SCP2: variants seen among roughly 807,000 people sequenced by gnomAD.
The protein encoded by SCP2 is SCP-2/3-oxoacyl-CoA thiolase.
Under a neutral mutation model 71.4 loss-of-function variants are expected in SCP2, and 48 were observed. The observed-to-expected ratio is 0.67, with a 90% CI of 0.53 to 0.86. The LOEUF (loss-of-function observed/expected upper bound fraction) is 0.86. Ranked by LOEUF, SCP2 falls within the 40% of genes least tolerant of loss-of-function variation. The pLI is 0.00. For missense variants in SCP2, 560 were observed against 655.6 expected (o/e 0.85, Z 1.59); for synonymous variants, 220 against 218.1 (o/e 1.01, Z -0.08).
At chr1:52,955,528 A>AT (rs1655717361) in intron 5 of SCP2, among the ~76,000 whole-genome samples, 1 of 152,160 alleles carries the variant, frequency 6.6e-6, no homozygotes, top group South Asian at 2.1e-4. Context: ...GGAAAAAAAA[A>AT]GAGAAAGAAT....
chr1:52,955,389 A>G (rs534689499), intron 5 of SCP2, among the ~76,000 whole-genome samples: 1 of 152,320 alleles, frequency 6.6e-6, no homozygotes, highest in African/African-American at 2.4e-5. Context: ...CCAAGATCAG[A>G]AGTTTAATAC....
chr1:53,048,046 C>A, intron 15 of SCP2, 109 bp downstream of exon 15: 2 of 776,044 alleles, frequency 2.6e-6, no homozygotes, highest in East Asian at 2.6e-5. Context: ...TCACAAAACT[C>A]AGTGTTCCCC....
At chr1:52,941,989 G>C (rs1654295160) in intron 2 of SCP2, 136 bp downstream of exon 2, 1 of 679,058 alleles carries the variant, frequency 1.5e-6, no homozygotes, top group East Asian at 2.9e-5. Context: ...GAAATGTCTA[G>C]TGACTCACTA....
chr1:52,952,783 C>T (rs776782743), intron 4 of SCP2, among the ~76,000 whole-genome samples: 31 of 151,782 alleles, frequency 2.0e-4, no homozygotes, highest in African/African-American at 7.5e-4. Flanking sequence ...CTTGGGGTAG[C>T]GGGGAGGGCG....
intron 5 of SCP2, among the ~76,000 whole-genome samples, chr1:52,960,656 G>A (rs1215357013): frequency 6.8e-6 from 1 of 146,688 alleles, no homozygotes; most frequent in African/African-American, 2.6e-5. Context: ...ATGTATATAT[G>A]TGTATATATA....
rs1658732149 is a variant in SCP2 at position 52,983,861 on chromosome 1, A to G, written c.973+3318A>G. On this transcript the variant is annotated intron_variant, in intron 10 of 15. Transcript: ENST00000371514. Reference sequence around the variant, plus strand: ...CATTTTCTGATTCTTTGTATAGCAAACAATTTTGGATTGTATCCTGGACAG... The same window carrying G: ...CATTTTCTGATTCTTTGTATAGCAAGCAATTTTGGATTGTATCCTGGACAG... Among the ~76,000 whole-genome samples the G allele has an allele frequency of 2.6e-5, 4 of 152,194 alleles. No individual in the cohort carries two copies. The South Asian group carries it at 8.3e-4, about 32-fold the overall frequency.
intron 12 of SCP2, among the ~76,000 whole-genome samples, chr1:53,015,452 ATTCTTTTT>A: frequency 6.6e-6 from 1 of 152,168 alleles, no homozygotes; most frequent in African/African-American, 2.4e-5. Flanking sequence ...TGATGCTAGA[ATTCTTTTT>A]GTCTCTTGCT....
intron 11 of SCP2, chr1:52,993,762 A>G (rs1462569591): frequency 2.5e-6 from 4 of 1,593,672 alleles, no homozygotes; most frequent in Non-Finnish European, 2.6e-6. Context: ...ATGCCTCCTC[A>G]ATAATATTCC....
rs865981653 is a variant in SCP2, at chr1:52,983,601, C to T, written c.973+3058C>T. On this transcript the variant is annotated intron_variant, in intron 10 of 15. Transcript: ENST00000371514. ...CTTCATGTTCTTTCTACTCATGAAC[C>T]ATTCTAATGAGTTTTCTATTTCAAA... is the stretch of plus-strand genomic sequence containing the variant. Among the ~76,000 whole-genome samples, 6 of 152,236 alleles carry T rather than the reference C, an allele frequency of 3.9e-5. No homozygotes were observed. In the South Asian group the frequency reaches 8.3e-4, roughly 21 times the overall value.
chr1:52,936,709 A>G (rs958790743), intron 1 of SCP2, among the ~76,000 whole-genome samples: 1 of 152,214 alleles, frequency 6.6e-6, no homozygotes, highest in African/African-American at 2.4e-5. Context: ...GCAAGACTAA[A>G]CTATAATGTC....
chr1:53,044,466 T>C (rs1663657601), intron 14 of SCP2, among the ~76,000 whole-genome samples: 1 of 152,236 alleles, frequency 6.6e-6, no homozygotes, highest in Non-Finnish European at 1.5e-5. Context: ...AACAAGTATT[T>C]ATTGATTTCC....
chr1:52,931,254 A>C (rs1471770885), intron 1 of SCP2, among the ~76,000 whole-genome samples: 2 of 152,184 alleles, frequency 1.3e-5, no homozygotes, highest in Non-Finnish European at 2.9e-5. Flanking sequence ...TAAGTTCCTG[A>C]AGAGGGGTTA....
intron 6 of SCP2, among the ~76,000 whole-genome samples, chr1:52,969,745 T>C (rs1439692291): frequency 5.9e-5 from 9 of 152,118 alleles, no homozygotes; most frequent in Non-Finnish European, 1.5e-5. Flanking sequence ...TGCTTGAGCC[T>C]GGGAGGTGGA....
intron 12 of SCP2, among the ~76,000 whole-genome samples, chr1:53,027,754 C>A (rs79969290): frequency 1.3e-5 from 2 of 152,248 alleles, no homozygotes; most frequent in South Asian, 4.1e-4. Flanking sequence ...ATCCACTCGC[C>A]TCGGCCTCCC....
intron 14 of SCP2, among the ~76,000 whole-genome samples, chr1:53,041,818 G>C (rs920471116): frequency 6.6e-6 from 1 of 152,162 alleles, no homozygotes; most frequent in East Asian, 1.9e-4. Context: ...GGATGACATC[G>C]GGAGCACAGG....
intron 11 of SCP2, among the ~76,000 whole-genome samples, chr1:53,002,793 A>G (rs559302085): frequency 4.7e-4 from 72 of 152,328 alleles, no homozygotes; most frequent in Middle Eastern, 6.8e-3. Flanking sequence ...CTTAGGTCTT[A>G]AGAATTTGGG....
intron 1 of SCP2, among the ~76,000 whole-genome samples, chr1:52,941,373 A>G (rs1308096176): frequency 6.6e-6 from 1 of 152,162 alleles, no homozygotes; most frequent in African/African-American, 2.4e-5. Context: ...ATTTATTATT[A>G]GAGTCTAATA....
At chr1:52,974,207 T>G (rs1657742285) in intron 6 of SCP2, among the ~76,000 whole-genome samples, 1 of 152,188 alleles carries the variant, frequency 6.6e-6, no homozygotes, top group Non-Finnish European at 1.5e-5. Flanking sequence ...AAAAATTTTT[T>G]TTGCGTGTTT....
chr1:52,992,893 A>G (rs918851162), intron 11 of SCP2, among the ~76,000 whole-genome samples: 2 of 152,208 alleles, frequency 1.3e-5, no homozygotes, highest in Admixed American at 6.5e-5. Flanking sequence ...AACAGCTTAG[A>G]TTCCAAAACT....
Sources: allele counts gnomAD v4.1 joint callset (sites outside exome capture counted in the v4.1 genomes callset), GRCh38; gene constraint gnomAD v4.1.1; transcripts MANE v1.5; gene names NCBI Gene and HGNC (gene_info 2026-07-23, HGNC 2026-07-21).